NALCN: variants seen among roughly 807,000 people sequenced by gnomAD.
NALCN encodes the protein sodium leak channel, non-selective.
NALCN carries 111 observed loss-of-function variants against 225.3 expected under a neutral mutation model. The observed-to-expected ratio is 0.49, with a 90% CI of 0.42 to 0.58. The LOEUF (loss-of-function observed/expected upper bound fraction) is 0.58. Ranked by LOEUF, NALCN falls within the 20% of genes least tolerant of loss-of-function variation. The probability of loss-of-function intolerance (pLI) is 0.00; values close to 1 mark genes in which losing one functional copy is unlikely to be tolerated. For missense variants in NALCN, 1,378 were observed against 2,202.4 expected (o/e 0.63, Z 7.49); for synonymous variants, 764 against 769.0 (o/e 0.99, Z 0.11).
intron 11 of NALCN, among the ~76,000 whole-genome samples, chr13:101,241,090 AG>A (rs2041742050): frequency 6.6e-6 from 1 of 152,242 alleles, no homozygotes; most frequent in African/African-American, 2.4e-5. Context: ...AAAAGTAGAC[AG>A]AAAGCACCAG....
chr13:101,346,326 G>A (rs890706069), intron 6 of NALCN, among the ~76,000 whole-genome samples: 1 of 151,942 alleles, frequency 6.6e-6, no homozygotes, highest in Non-Finnish European at 1.5e-5. Flanking sequence ...TTTTTCTACA[G>A]ATTTGCAAAG....
At chr13:101,064,415 G>C (rs2139420016) in intron 40 of NALCN, among the ~76,000 whole-genome samples, 1 of 152,272 alleles carries the variant, frequency 6.6e-6, no homozygotes, top group Non-Finnish European at 1.5e-5. Context: ...CTAACCTCTA[G>C]TACCTCAGAA....
At chr13:101,409,207 C>T (rs532093702) in intron 1 of NALCN, among the ~76,000 whole-genome samples, 1 of 152,248 alleles carries the variant, frequency 6.6e-6, no homozygotes, top group South Asian at 2.1e-4. Flanking sequence ...ATTGCACCTA[C>T]ATGCCCAAAC....
chr13:101,200,789 T>C (rs1272693053), intron 13 of NALCN, among the ~76,000 whole-genome samples: 1 of 152,162 alleles, frequency 6.6e-6, no homozygotes, highest in African/African-American at 2.4e-5. Context: ...AAAGCAAGGG[T>C]ATTTTCCTAT....
chr13:101,144,270 G>A (rs938600972), intron 16 of NALCN, among the ~76,000 whole-genome samples: 3 of 152,184 alleles, frequency 2.0e-5, no homozygotes, highest in African/African-American at 7.2e-5. Context: ...TTTAAAAAGT[G>A]GAAGGCAAAT....
intron 15 of NALCN, among the ~76,000 whole-genome samples, chr13:101,157,310 G>A (rs1403296107): frequency 6.6e-6 from 1 of 152,160 alleles, no homozygotes; most frequent in Non-Finnish European, 1.5e-5. Flanking sequence ...GAGAAACCTA[G>A]TGCTAGGTTT....
Position 101,089,986 on chromosome 13 carries a change from A to T in NALCN, c.3270-20T>A. The T allele has an allele frequency of 6.2e-7, 1 of 1,613,436 alleles. No individual in the cohort carries two copies. Among genetic ancestry groups the T allele is most frequent in the Non-Finnish European group, 8.5e-7 (1 of 1,179,594 alleles). Reference sequence around the variant, plus strand: ...TTCGCCCTGCGATTCCAATACAGGAATGTTCTGTGAAATTCCAATAAGCAG... The same window carrying T: ...TTCGCCCTGCGATTCCAATACAGGATTGTTCTGTGAAATTCCAATAAGCAG... On this transcript the variant is annotated intron_variant, in intron 28 of 43. Transcript: ENST00000251127. This position sits in a 1 kb window ranked among gnomAD's most constrained non-coding sequence, Gnocchi z 4.7.
chr13:101,065,660 A>T, intron 39 of NALCN, 99 bp from the exon 40 acceptor site: 1 of 1,411,982 alleles, frequency 7.1e-7, no homozygotes, highest in Non-Finnish European at 9.5e-7. Context: ...CTCAAAAGCT[A>T]GCATAATTAG....
At chr13:101,291,588 C>T (rs566489792) in intron 9 of NALCN, among the ~76,000 whole-genome samples, 1 of 152,214 alleles carries the variant, frequency 6.6e-6, no homozygotes, top group Non-Finnish European at 1.5e-5. Context: ...TGCTCTGTCA[C>T]CCAGGCTGGG....
chr13:101,237,990 T>C (rs2041624511), intron 11 of NALCN, 68 bp from the exon 12 acceptor site: 1 of 1,449,500 alleles, frequency 6.9e-7, no homozygotes, highest in Non-Finnish European at 9.4e-7. Context: ...ATTTCACATA[T>C]TTGTCAGTGT....
intron 40 of NALCN, among the ~76,000 whole-genome samples, chr13:101,063,045 A>C (rs572546733): frequency 6.6e-6 from 1 of 152,342 alleles, no homozygotes; most frequent in East Asian, 1.9e-4. Context: ...GGCAGCTCCC[A>C]GGATGCCTGG....
chr13:101,375,457 T>C (rs780997706), intron 6 of NALCN, among the ~76,000 whole-genome samples: 6 of 152,226 alleles, frequency 3.9e-5, no homozygotes, highest in Non-Finnish European at 8.8e-5. Context: ...ACTTTGTATA[T>C]ATACAAGTAT....
chr13:101,405,960 A>G (rs1488682560), intron 1 of NALCN, among the ~76,000 whole-genome samples: 2 of 152,118 alleles, frequency 1.3e-5, no homozygotes, highest in African/African-American at 4.8e-5. Flanking sequence ...ATGCAAAAAC[A>G]GAGTCCTTCT....
Position 101,081,628 on chromosome 13 carries a change from C to T in NALCN, c.3784G>A (p.Ala1262Thr). ...FVLEVTMKIIAMSPAGFWQSR... is the reference protein window; with the variant it reads ...FVLEVTMKIITMSPAGFWQSR... Reference sequence around the variant, plus strand: ...TGCCAGAAGCCAGCAGGCGACATTGCTATGATCTTCATGGTAACCTGGAGA... The same window carrying T: ...TGCCAGAAGCCAGCAGGCGACATTGTTATGATCTTCATGGTAACCTGGAGA... Residue 1262 changes from alanine (A) to threonine (T), a missense_variant, in exon 34 of 44, where the codon GCA (alanine) becomes ACA (threonine). Around this residue, in one of 19 missense-constraint regions of NALCN, gnomAD observed 98 missense variants for 156.6 expected, o/e 0.63. Coordinates refer to ENST00000251127, the MANE Select transcript of NALCN (RefSeq NM_052867.4). The T allele has an allele frequency of 6.2e-7, 1 of 1,614,038 alleles. No individual in the cohort carries two copies. The highest frequency in any genetic ancestry group is 8.5e-7 in the Non-Finnish European group (1 of 1,179,984).
At chr13:101,353,879 T>C (rs182022541) in intron 6 of NALCN, among the ~76,000 whole-genome samples, 1 of 152,374 alleles carries the variant, frequency 6.6e-6, no homozygotes, top group East Asian at 1.9e-4. Flanking sequence ...ATATTTTAAA[T>C]AGTTATCTTG....
chr13:101,068,031 T>C lies in NALCN; in HGVS notation c.4333A>G (p.Ile1445Val), dbSNP rs1459166839. ...AACAAGGAGAAATTCTCCACAATTA[T>C]GGCTTTTAAAAAAAGAAAAATTCAG... ...AYIMLNLLVA[I>V]IVENFSLFYS... Residue 1445 changes from isoleucine to valine, a missense_variant and splice_region_variant, in exon 39 of 44, where the codon ATA (isoleucine) becomes GTA (valine). Coordinates refer to ENST00000251127, the MANE Select transcript of NALCN (RefSeq NM_052867.4). 9 of 1,587,176 alleles carry C rather than the reference T, an allele frequency of 5.7e-6. No individual in the cohort carries two copies. Among genetic ancestry groups the C allele is most frequent in the Non-Finnish European group, 7.7e-6 (9 of 1,168,638 alleles).
intron 17 of NALCN, among the ~76,000 whole-genome samples, chr13:101,136,162 T>A (rs1210967644): frequency 1.3e-5 from 2 of 152,178 alleles, no homozygotes; most frequent in Non-Finnish European, 2.9e-5. Context: ...TTGCATATAA[T>A]GGTCCTCAAA....
intron 7 of NALCN, among the ~76,000 whole-genome samples, chr13:101,338,090 C>T (rs1213043261): frequency 6.6e-6 from 1 of 152,162 alleles, no homozygotes; most frequent in African/African-American, 2.4e-5. Context: ...ACAAAAGTAA[C>T]GACTGTCTGA....
At chr13:101,180,952 C>G in intron 14 of NALCN, 1 of 424,296 alleles carries the variant, frequency 2.4e-6, no homozygotes, top group South Asian at 1.8e-5. Context: ...ATGGGAAGGG[C>G]GGCCACGCAA....
Sources: allele counts gnomAD v4.1 joint callset (sites outside exome capture counted in the v4.1 genomes callset), GRCh38; gene constraint gnomAD v4.1.1; regional missense constraint gnomAD v4.1.1; non-coding constraint Gnocchi (gnomAD v3.1); transcripts MANE v1.5; gene names NCBI Gene and HGNC (gene_info 2026-07-23, HGNC 2026-07-21).